The following DYDC1 variants were observed in gnomAD, a reference collection of about 807,000 sequenced individuals.
DYDC1 encodes the protein DPY30 domain containing 1.
DYDC1 carries 21 observed loss-of-function variants against 27.9 expected under a neutral mutation model. The observed-to-expected ratio is 0.75, with a 90% CI of 0.53 to 1.08. The LOEUF (loss-of-function observed/expected upper bound fraction) is 1.08. Ranked by LOEUF, DYDC1 falls within the 50% of genes least tolerant of loss-of-function variation. The pLI is 0.00. For missense variants in DYDC1, 202 were observed against 205.9 expected, an observed-to-expected ratio of 0.98 and a Z score of 0.12; for synonymous variants, 67 against 65.8, an observed-to-expected ratio of 1.02 and a Z score of -0.09.
chr10:80,346,802 C>T (rs1213652551), intron 3 of DYDC1, among the ~76,000 whole-genome samples: 1 of 151,850 alleles, frequency 6.6e-6, no homozygotes, highest in Admixed American at 6.6e-5. Context: ...AGGCTGGTCA[C>T]GGTGGCTCAT....
intron 4 of DYDC1, 63 bp downstream of exon 4, chr10:80,342,206 T>C (rs1310759723): frequency 4.6e-6 from 7 of 1,519,614 alleles, no homozygotes; most frequent in South Asian, 1.1e-5. Flanking sequence ...ACAGCTGAAA[T>C]AAACAGTTTG....
intron 3 of DYDC1, among the ~76,000 whole-genome samples, chr10:80,347,566 C>T (rs560884965): frequency 5.3e-5 from 8 of 152,140 alleles, no homozygotes; most frequent in Non-Finnish European, 1.0e-4. Flanking sequence ...TGTTTTCTTC[C>T]GGGAGTTTTA....
intron 1 of DYDC1, among the ~76,000 whole-genome samples, chr10:80,353,039 GGGTTTGTACCCACCT>G (rs1843098463): frequency 1.3e-5 from 2 of 152,018 alleles, no homozygotes; most frequent in South Asian, 4.1e-4. Context: ...GAAGGAGACA[GGGTTTGTACCCACCT>G]CTTGATTCCA....
At chr10:80,351,021 C>T (rs918224340) in intron 3 of DYDC1, among the ~76,000 whole-genome samples, 5 of 152,262 alleles carry the variant, frequency 3.3e-5, no homozygotes, top group East Asian at 1.9e-4. Flanking sequence ...TCAAATGGCA[C>T]GATTATCAGT....
chr10:80,342,770 C>G (rs1842378588), intron 3 of DYDC1, among the ~76,000 whole-genome samples: 2 of 152,058 alleles, frequency 1.3e-5, no homozygotes, highest in African/African-American at 2.4e-5. Flanking sequence ...CATCTGAGGT[C>G]AGGAGTTTGA....
At position 80,339,115 on chromosome 10, in the gene DYDC1, T is replaced by A. The variant is rs750299881; in HGVS notation, c.381A>T (p.Glu127Asp). 2 of 1,392,940 alleles carry A rather than the reference T, an allele frequency of 1.4e-6. No homozygotes were observed. The highest frequency in any genetic ancestry group is 1.9e-6 in the Non-Finnish European group (2 of 1,031,308). 86.3% of individuals were successfully genotyped at this position (1,392,940 alleles called of 1,614,324 possible). A position where few individuals can be genotyped will look rare whatever the true frequency, so the allele number is the denominator to read the frequency against. ...TTCTCACCTCTGAATGTAGAATATC[T>A]TCATTCCTAACTAGATTTTCCATAT... ...RMNMENLVRN[E>D]DILHSEEATL... Residue 127 changes from glutamate (E) to aspartate (D), a missense_variant, in exon 5 of 7, where the codon GAA (glutamate) becomes GAT (aspartate). Physicochemically the swap from Glu to Asp is conservative, Grantham distance 45 (BLOSUM62 2). Transcript: ENST00000372202.
In DYDC1 at chr10:80,352,422, C is replaced by T. The variant is rs1326356452; in HGVS notation, c.147+33G>A. ...CAGACAAGTTGGACCAGTTTTTTTT[C>T]TTCTAATTTCCTAGAAGGAGATTCC... On this transcript the variant is annotated intron_variant, in intron 2 of 6. Coordinates refer to ENST00000372202, the MANE Select transcript of DYDC1 (RefSeq NM_001269053.2). The T allele has an allele frequency of 5.9e-6, 9 of 1,518,058 alleles. No individual in the cohort carries two copies. The Admixed American group carries it at 9.3e-5, about 16-fold the overall frequency. 94.0% of individuals were successfully genotyped at this position (1,518,058 alleles called of 1,614,324 possible).
chr10:80,354,914 AAC>A (rs1475005432), intron 1 of DYDC1, among the ~76,000 whole-genome samples: 1 of 152,188 alleles, frequency 6.6e-6, no homozygotes, highest in Non-Finnish European at 1.5e-5. Flanking sequence ...CTAAAACAAA[AAC>A]AGTCTCTGCC....
At chr10:80,342,154 G>T in intron 4 of DYDC1, 115 bp downstream of exon 4, 1 of 932,498 alleles carries the variant, frequency 1.1e-6, no homozygotes, top group Non-Finnish European at 1.6e-6. Flanking sequence ...CAGCTAGTAT[G>T]TGGCATGTCT....
intron 4 of DYDC1, among the ~76,000 whole-genome samples, chr10:80,339,871 G>T (rs182887544): frequency 6.6e-6 from 1 of 152,174 alleles, no homozygotes; most frequent in Admixed American, 6.5e-5. Context: ...CATTTTCCTG[G>T]TAACTTCTTA....
intron 4 of DYDC1, among the ~76,000 whole-genome samples, chr10:80,341,479 AG>A (rs1340123126): frequency 6.6e-6 from 1 of 151,444 alleles, no homozygotes; most frequent in Non-Finnish European, 1.5e-5. Flanking sequence ...GAAAGAAAAA[AG>A]TTACTGCATA....
intron 3 of DYDC1, among the ~76,000 whole-genome samples, chr10:80,348,635 A>C (rs1005531444): frequency 6.6e-6 from 1 of 152,270 alleles, no homozygotes; most frequent in Non-Finnish European, 1.5e-5. Context: ...AAATTTCCAT[A>C]TTCTGAAATC....
intron 6 of DYDC1, chr10:80,337,267 A>G (rs1842163781): frequency 2.0e-6 from 2 of 985,340 alleles, no homozygotes; most frequent in South Asian, 9.4e-5. Flanking sequence ...ACGGCCCCCA[A>G]GGGCAGAAGC....
intron 3 of DYDC1, among the ~76,000 whole-genome samples, chr10:80,351,355 C>T (rs930945593): frequency 1.3e-5 from 2 of 151,504 alleles, no homozygotes; most frequent in African/African-American, 4.8e-5. Context: ...ACTCTATTTC[C>T]TAATGTCACC....
At chr10:80,345,686 T>G (rs1842572397) in intron 3 of DYDC1, among the ~76,000 whole-genome samples, 1 of 152,184 alleles carries the variant, frequency 6.6e-6, no homozygotes, top group African/African-American at 2.4e-5. Context: ...CATGTGGTAT[T>G]TTTCTTTTGA....
At chr10:80,348,311 A>T (rs1382775014) in intron 3 of DYDC1, among the ~76,000 whole-genome samples, 4 of 152,210 alleles carry the variant, frequency 2.6e-5, no homozygotes, top group Non-Finnish European at 4.4e-5. Context: ...ACTCCCAACC[A>T]CTATTATCAA....
At chr10:80,350,372 C>A (rs1283122231) in intron 3 of DYDC1, among the ~76,000 whole-genome samples, 1 of 152,158 alleles carries the variant, frequency 6.6e-6, no homozygotes, top group Non-Finnish European at 1.5e-5. Flanking sequence ...TCTGGGAATT[C>A]TCTTATTTTT....
intron 1 of DYDC1, among the ~76,000 whole-genome samples, chr10:80,355,823 A>G (rs1383362175): frequency 6.6e-6 from 1 of 152,168 alleles, no homozygotes; most frequent in Non-Finnish European, 1.5e-5. Context: ...GGCACAAATG[A>G]ACCTAATTCC....
At chr10:80,336,402 A>G (rs1022261890) in intron 6 of DYDC1, 10 of 940,120 alleles carry the variant, frequency 1.1e-5, no homozygotes, top group Non-Finnish European at 1.3e-5. Context: ...TTCTCTTACT[A>G]TGCATTCTCA....
Sources: allele counts gnomAD v4.1 joint callset (sites outside exome capture counted in the v4.1 genomes callset), GRCh38; gene constraint gnomAD v4.1.1; transcripts MANE v1.5; gene names NCBI Gene and HGNC (gene_info 2026-07-23, HGNC 2026-07-21).